NAALADL2: variants seen among roughly 807,000 people sequenced by gnomAD.
NAALADL2 encodes the protein inactive N-acetylated-alpha-linked acidic dipeptidase-like protein 2.
NAALADL2 carries 76 observed loss-of-function variants against 87.2 expected under a neutral mutation model. The ratio of observed to expected loss-of-function variants is 0.87; its 90% CI spans 0.72 to 1.05. NAALADL2 has a LOEUF of 1.05. Among genes scored for constraint, NAALADL2 ranks in the 50% least tolerant of loss-of-function variants. The pLI, the probability that NAALADL2 is intolerant of heterozygous loss-of-function variation, is 0.00. For missense variants in NAALADL2, 1,089 were observed against 945.8 expected (o/e 1.15, Z -1.99); for synonymous variants, 354 against 331.0 (o/e 1.07, Z -0.75).
At chr3:175,596,732 A>G (rs537719950) in intron 10 of NAALADL2, among the ~76,000 whole-genome samples, 20 of 152,000 alleles carry the variant, frequency 1.3e-4, no homozygotes, top group African/African-American at 4.8e-4. Flanking sequence ...TAAATTATTT[A>G]TTGGCAGATA....
At chr3:175,321,050 C>A (rs1372996073) in intron 4 of NAALADL2, among the ~76,000 whole-genome samples, 2 of 151,402 alleles carry the variant, frequency 1.3e-5, no homozygotes, top group Non-Finnish European at 2.9e-5. Flanking sequence ...GAATTTTAGA[C>A]CAATATCCTT....
intron 11 of NAALADL2, among the ~76,000 whole-genome samples, chr3:175,734,135 A>G (rs752222701): frequency 6.6e-6 from 1 of 152,154 alleles, no homozygotes; most frequent in Non-Finnish European, 1.5e-5. Context: ...GTGGTGCCCC[A>G]GTAGGGACTC....
At chr3:175,151,102 T>C (rs1390906540) in intron 2 of NAALADL2, among the ~76,000 whole-genome samples, 2 of 152,208 alleles carry the variant, frequency 1.3e-5, no homozygotes, top group African/African-American at 4.8e-5. Flanking sequence ...GCACTTTATT[T>C]GGCTGGCACT....
intron 3 of NAALADL2, among the ~76,000 whole-genome samples, chr3:174,839,970 C>T (rs1723827974): frequency 6.6e-6 from 1 of 152,046 alleles, no homozygotes; most frequent in Non-Finnish European, 1.5e-5. Context: ...AAAAGTAGAA[C>T]TACCATTTGA....
intron 2 of NAALADL2, among the ~76,000 whole-genome samples, chr3:174,679,038 A>G (rs1472723121): frequency 6.6e-6 from 1 of 152,062 alleles, no homozygotes; most frequent in Non-Finnish European, 1.5e-5. Context: ...TTTCTGTTTA[A>G]TTATGCTGCC....
At chr3:174,758,736 G>T (rs1712475695) in intron 3 of NAALADL2, among the ~76,000 whole-genome samples, 1 of 152,218 alleles carries the variant, frequency 6.6e-6, no homozygotes, top group Non-Finnish European at 1.5e-5. Flanking sequence ...AGATGTACCA[G>T]TTTGTTGAGC....
rs1652811670 is a variant in NAALADL2 at position 175,039,068 on chromosome 3, A to G, written c.44-57722A>G. The stretch of plus-strand genomic sequence containing the variant: ...GCACCCCCCTTTTATTTTTGGACCA[A>G]ATATAATAATGAATATTCATTTTAA... On this transcript the variant is annotated intron_variant, in intron 1 of 13. Transcript: ENST00000454872. Among the ~76,000 whole-genome samples the G allele has an allele frequency of 2.6e-5, 4 of 152,176 alleles. No homozygotes were observed. In the South Asian group the frequency reaches 8.3e-4, roughly 31 times the overall value.
chr3:174,981,866 G>A (rs1246853403), intron 1 of NAALADL2, among the ~76,000 whole-genome samples: 2 of 152,094 alleles, frequency 1.3e-5, no homozygotes, highest in African/African-American at 2.4e-5. Context: ...TAGAGCACCA[G>A]CCATCAGATC....
chr3:175,734,916 A>G (rs551399681), intron 11 of NAALADL2, among the ~76,000 whole-genome samples: 77 of 152,330 alleles, frequency 5.1e-4, no homozygotes, highest in African/African-American at 1.6e-3. Context: ...TTTTTTACTT[A>G]GGCAAATTTC....
chr3:175,191,198 G>A (rs1477878077), intron 2 of NAALADL2, among the ~76,000 whole-genome samples: 2 of 151,948 alleles, frequency 1.3e-5, no homozygotes, highest in East Asian at 1.9e-4. Context: ...TGTAGTAACC[G>A]TTTCACTCTT....
chr3:175,509,647 A>G (rs1730854801), intron 9 of NAALADL2, among the ~76,000 whole-genome samples: 1 of 152,176 alleles, frequency 6.6e-6, no homozygotes, highest in Non-Finnish European at 1.5e-5. Flanking sequence ...TAAATGTTAA[A>G]TGAATTAATT....
chr3:175,213,561 C>T (rs1443769119), intron 2 of NAALADL2, among the ~76,000 whole-genome samples: 1 of 151,980 alleles, frequency 6.6e-6, no homozygotes, highest in Non-Finnish European at 1.5e-5. Flanking sequence ...CTGCTCTTGA[C>T]CTGGGAAAGA....
At chr3:175,474,736 TC>T (rs11475028) in intron 9 of NAALADL2, among the ~76,000 whole-genome samples, 6 of 151,182 alleles carry the variant, frequency 4.0e-5, no homozygotes, top group African/African-American at 1.5e-4. Context: ...GGACTGCTTT[TC>T]CCTACCTCTT....
intron 13 of NAALADL2, among the ~76,000 whole-genome samples, chr3:175,774,201 G>A (rs978221558): frequency 6.6e-6 from 1 of 151,968 alleles, no homozygotes; most frequent in Non-Finnish European, 1.5e-5. Context: ...AGCAGTGGGA[G>A]GACATCTTCA....
intron 9 of NAALADL2, among the ~76,000 whole-genome samples, chr3:175,480,359 A>C (rs749318996): frequency 6.6e-6 from 1 of 151,808 alleles, no homozygotes; most frequent in Non-Finnish European, 1.5e-5. Context: ...GACATATATC[A>C]ATGGCAACCA....
chr3:175,413,565 ATC>A (rs1714018924), intron 5 of NAALADL2, among the ~76,000 whole-genome samples: 55 of 127,684 alleles, frequency 4.3e-4, no homozygotes, highest in Non-Finnish European at 5.4e-4. Context: ...GCGAGACTCC[ATC>A]AAAAAAAAAA....
intron 2 of NAALADL2, among the ~76,000 whole-genome samples, chr3:174,578,700 C>T (rs1006270146): frequency 4.6e-5 from 7 of 151,710 alleles, no homozygotes; most frequent in Non-Finnish European, 1.0e-4. Context: ...AGAAATGGTA[C>T]CTGTGCAAGT....
At chr3:175,780,359 CACAA>C (rs1459623009) in intron 13 of NAALADL2, among the ~76,000 whole-genome samples, 1 of 151,820 alleles carries the variant, frequency 6.6e-6, no homozygotes, top group Non-Finnish European at 1.5e-5. Flanking sequence ...CACACATGCA[CACAA>C]ACACACACAA....
At chr3:174,867,665 A>C (rs1428991979) in intron 1 of NAALADL2, among the ~76,000 whole-genome samples, 2 of 152,096 alleles carry the variant, frequency 1.3e-5, no homozygotes, top group Non-Finnish European at 2.9e-5. Flanking sequence ...CATTTATTCT[A>C]ACATGAAAAT....
Sources: gnomAD v4.1 joint callset for allele counts (sites outside exome capture counted in the v4.1 genomes callset) on GRCh38, gnomAD v4.1.1 for gene constraint, MANE v1.5 for transcripts, NCBI Gene and HGNC (gene_info 2026-07-23, HGNC 2026-07-21) for gene names.